Variants in NUP98 observed in about 807,000 individuals in gnomAD.
The protein encoded by NUP98 is nucleoporin 98 and 96 precursor, also known as nuclear pore complex protein Nup98-Nup96.
Under a neutral mutation model 191.9 loss-of-function variants are expected in NUP98, and 26 were observed. The ratio of observed to expected loss-of-function variants is 0.14; its 90% CI spans 0.10 to 0.19. The LOEUF (loss-of-function observed/expected upper bound fraction) is 0.19, where lower values mean the gene tolerates loss of function less well. Ranked by LOEUF, NUP98 falls within the 10% of genes least tolerant of loss-of-function variation. The pLI is 1.00. For synonymous variants in NUP98, 808 were observed against 778.4 expected (o/e 1.04, Z -0.63); for missense variants, 1,941 against 2,178.8 (o/e 0.89, Z 2.17).
chr11:3,705,432 A>G, intron 21 of NUP98, 76 bp from the exon 22 acceptor site: 5 of 1,426,326 alleles, frequency 3.5e-6, no homozygotes, highest in Non-Finnish European at 4.9e-6. Flanking sequence ...TGCAGTTTAC[A>G]ACAACCAAAA....
At chr11:3,796,225 C>A (rs963755977) in intron 1 of NUP98, among the ~76,000 whole-genome samples, 2 of 152,190 alleles carry the variant, frequency 1.3e-5, no homozygotes, top group African/African-American at 4.8e-5. Flanking sequence ...TAATACTTCA[C>A]TTTGAATTCT....
At chr11:3,739,462 T>C (rs2080197107) in intron 12 of NUP98, among the ~76,000 whole-genome samples, 1 of 152,050 alleles carries the variant, frequency 6.6e-6, no homozygotes, top group African/African-American at 2.4e-5. Context: ...TTGGCCAGGA[T>C]GGTCGAACTC....
At chr11:3,733,814 T>C (rs1007597085) in intron 13 of NUP98, among the ~76,000 whole-genome samples, 1 of 152,228 alleles carries the variant, frequency 6.6e-6, no homozygotes, top group East Asian at 1.9e-4. Flanking sequence ...TGTCTGATGT[T>C]TGTCACTGGA....
At chr11:3,784,605 A>AAAAAAAAAAC (rs1554904743) in intron 1 of NUP98, among the ~76,000 whole-genome samples, 3 of 141,930 alleles carry the variant, frequency 2.1e-5, no homozygotes, top group African/African-American at 2.6e-5. Flanking sequence ...ACAAAAAAAA[A>AAAAAAAAAAC]CAAAAAACAT....
intron 16 of NUP98, among the ~76,000 whole-genome samples, chr11:3,721,479 C>T (rs1196030090): frequency 1.3e-5 from 2 of 152,182 alleles, no homozygotes; most frequent in African/African-American, 4.8e-5. Context: ...GAGTAAATCA[C>T]TTGAGGCCAG....
intron 1 of NUP98, among the ~76,000 whole-genome samples, chr11:3,786,762 C>T (rs1384997354): frequency 6.6e-6 from 1 of 152,064 alleles, no homozygotes; most frequent in African/African-American, 2.4e-5. Flanking sequence ...AGTTTTCTAC[C>T]CAGAAAAGTA....
At chr11:3,711,947 G>C in intron 20 of NUP98, 1 of 1,042,860 alleles carries the variant, frequency 9.6e-7, no homozygotes. Context: ...AGAGGTAGAG[G>C]ATGCTTTACA....
intron 10 of NUP98, among the ~76,000 whole-genome samples, chr11:3,755,500 C>G (rs1013976420): frequency 6.6e-6 from 1 of 150,780 alleles, no homozygotes; most frequent in Non-Finnish European, 1.5e-5. Context: ...AAAAAGTAGC[C>G]CAAAAAGATA....
At chr11:3,714,329 G>A (rs921565118) in intron 18 of NUP98, among the ~76,000 whole-genome samples, 1 of 152,092 alleles carries the variant, frequency 6.6e-6, no homozygotes, top group Non-Finnish European at 1.5e-5. Context: ...TCTTATGCAG[G>A]TCTTAAAGGG....
intron 1 of NUP98, among the ~76,000 whole-genome samples, chr11:3,783,051 T>G (rs185889205): frequency 1.9e-4 from 29 of 152,308 alleles, no homozygotes; most frequent in Admixed American, 6.5e-4. Context: ...GTCCCCTACT[T>G]ATCTATCTTC....
At chr11:3,749,177 G>A (rs1323846427) in intron 11 of NUP98, among the ~76,000 whole-genome samples, 3 of 151,280 alleles carry the variant, frequency 2.0e-5, no homozygotes, top group Non-Finnish European at 4.4e-5. Context: ...GCGCGGTGGC[G>A]GGCGCCTATA....
intron 28 of NUP98, 63 bp downstream of exon 28, chr11:3,691,284 G>T: frequency 1.9e-6 from 3 of 1,592,784 alleles, no homozygotes; most frequent in Non-Finnish European, 2.6e-6. Context: ...AAAGGACGCA[G>T]CAAAGGACTC....
At chr11:3,749,939 A>T (rs1181008466) in intron 11 of NUP98, among the ~76,000 whole-genome samples, 1 of 152,246 alleles carries the variant, frequency 6.6e-6, no homozygotes, top group African/African-American at 2.4e-5. Context: ...AATCTGAAAT[A>T]TGCGTATATT....
chr11:3,794,068 C>G (rs1000218950), intron 1 of NUP98, among the ~76,000 whole-genome samples: 34 of 152,142 alleles, frequency 2.2e-4, no homozygotes, highest in African/African-American at 8.0e-4. Flanking sequence ...CATTCCTGAT[C>G]GTTACAACCT....
At chr11:3,743,252 C>T (rs546487113) in intron 12 of NUP98, among the ~76,000 whole-genome samples, 2 of 151,448 alleles carry the variant, frequency 1.3e-5, no homozygotes, top group East Asian at 2.0e-4. Context: ...CTCCTGACCT[C>T]GTGATCCACC....
chr11:3,757,846 C>T (rs2081028829), intron 10 of NUP98, among the ~76,000 whole-genome samples: 1 of 151,566 alleles, frequency 6.6e-6, no homozygotes, highest in Non-Finnish European at 1.5e-5. Flanking sequence ...ATGAAGCATG[C>T]TACAAAAAAA....
chr11:3,796,698 G>A (rs1451932312), intron 1 of NUP98, among the ~76,000 whole-genome samples: 3 of 152,192 alleles, frequency 2.0e-5, no homozygotes, highest in Admixed American at 2.0e-4. Context: ...TGTTTAGACT[G>A]TCAAAAATCT....
chr11:3,730,525 C>A (rs2079802135), intron 14 of NUP98, among the ~76,000 whole-genome samples: 1 of 151,946 alleles, frequency 6.6e-6, no homozygotes, highest in Non-Finnish European at 1.5e-5. Context: ...CAGCCATGCC[C>A]AGCTAATTTT....
chr11:3,696,483 C>G (rs542060009), intron 25 of NUP98, among the ~76,000 whole-genome samples: 99 of 151,718 alleles, frequency 6.5e-4, no homozygotes, highest in South Asian at 2.7e-3. Flanking sequence ...GCCTGGGTGA[C>G]AGACCAAGAC....
Sources: allele counts gnomAD v4.1 joint callset (sites outside exome capture counted in the v4.1 genomes callset), GRCh38; gene constraint gnomAD v4.1.1; transcripts MANE v1.5; gene names NCBI Gene and HGNC (gene_info 2026-07-23, HGNC 2026-07-21).